PAK5: variants seen among roughly 807,000 people sequenced by gnomAD.
PAK5 encodes serine/threonine-protein kinase PAK 5.
Under a neutral mutation model 65.9 loss-of-function variants are expected in PAK5, and 16 were observed. The ratio of observed to expected loss-of-function variants is 0.24; its 90% CI spans 0.16 to 0.37. The LOEUF (loss-of-function observed/expected upper bound fraction) is 0.37, where lower values mean the gene tolerates loss of function less well. PAK5 is among the 10% of genes least tolerant of loss of function. PAK5 has a pLI of 1.00. For synonymous variants in PAK5, 371 were observed against 354.9 expected, an observed-to-expected ratio of 1.05 and a Z score of -0.51; for missense variants, 785 against 903.9, an observed-to-expected ratio of 0.87 and a Z score of 1.69.
At chr20:9,590,685 C>A (rs1239448995) in intron 3 of PAK5, among the ~76,000 whole-genome samples, 2 of 151,810 alleles carry the variant, frequency 1.3e-5, no homozygotes, top group African/African-American at 4.8e-5. Flanking sequence ...GGGAGGGAGT[C>A]ATATGGCACC....
chr20:9,605,052 G>A (rs2046427949), intron 3 of PAK5, among the ~76,000 whole-genome samples: 1 of 152,194 alleles, frequency 6.6e-6, no homozygotes, highest in African/African-American at 2.4e-5. Flanking sequence ...ACTGAAGAAA[G>A]TGCAATGAAA....
At position 9,790,779 on chromosome 20, in the gene PAK5, G is replaced by A. The variant is rs987795351; in HGVS notation, c.-162+47983C>T. On this transcript the variant is annotated intron_variant, in intron 1 of 9. Coordinates refer to ENST00000353224, the MANE Select transcript of PAK5 (RefSeq NM_177990.4). ...CTCCCAAAGTGCTGGGATGGCAGGT[G>A]TGAGCCACTGCACCCAGTTGAATTT... 2.0e-5 allele frequency among the ~76,000 whole-genome samples: 3 copies of A among 152,230 alleles called. No individual in the cohort carries two copies. In the East Asian group the frequency reaches 5.8e-4, roughly 29 times the overall value.
chr20:9,611,611 C>T (rs1255887783), intron 3 of PAK5, among the ~76,000 whole-genome samples: 3 of 152,162 alleles, frequency 2.0e-5, no homozygotes, highest in South Asian at 2.1e-4. Flanking sequence ...GGAGTTCTCC[C>T]GTGTATATGC....
At chr20:9,566,439 G>A in intron 4 of PAK5, 55 bp from the exon 5 acceptor site, 1 of 1,530,060 alleles carries the variant, frequency 6.5e-7, no homozygotes, top group Non-Finnish European at 8.9e-7. Flanking sequence ...GAATGCCACA[G>A]CCGAGTGGTG....
intron 3 of PAK5, among the ~76,000 whole-genome samples, chr20:9,613,898 G>A (rs1360911241): frequency 6.6e-6 from 1 of 151,996 alleles, no homozygotes; most frequent in Non-Finnish European, 1.5e-5. Context: ...CTCACCAAAG[G>A]CCTATTTGCC....
intron 1 of PAK5, among the ~76,000 whole-genome samples, chr20:9,721,020 A>G (rs1177066924): frequency 6.6e-6 from 1 of 152,170 alleles, no homozygotes; most frequent in Admixed American, 6.5e-5. Flanking sequence ...TTTTGGAATT[A>G]GATAGAGGTG....
intron 3 of PAK5, among the ~76,000 whole-genome samples, chr20:9,601,826 G>T (rs538690087): frequency 6.6e-6 from 1 of 152,076 alleles, no homozygotes; most frequent in African/African-American, 2.4e-5. Context: ...GCCAAGAGGC[G>T]TCCAGAACAG....
chr20:9,617,719 C>A (rs1005888503), intron 3 of PAK5, among the ~76,000 whole-genome samples: 3 of 151,866 alleles, frequency 2.0e-5, no homozygotes, highest in African/African-American at 7.3e-5. Context: ...CCACGGCCGG[C>A]TGATTTTTTG....
chr20:9,782,587 T>C (rs1414956326), intron 1 of PAK5, among the ~76,000 whole-genome samples: 1 of 152,222 alleles, frequency 6.6e-6, no homozygotes, highest in South Asian at 2.1e-4. Flanking sequence ...CTACACAGGG[T>C]TAAAACCGGA....
chr20:9,693,454 C>CCTCCCTTTCT (rs982022527), intron 2 of PAK5, among the ~76,000 whole-genome samples: 1 of 151,820 alleles, frequency 6.6e-6, no homozygotes, highest in African/African-American at 2.4e-5. Context: ...TCTTCCCCTC[C>CCTCCCTTTCT]CTCCCTTTCT....
chr20:9,801,727 C>T (rs1244419646), intron 1 of PAK5, among the ~76,000 whole-genome samples: 1 of 152,006 alleles, frequency 6.6e-6, no homozygotes, highest in Admixed American at 6.6e-5. Context: ...TGTAATTCAA[C>T]ATTTCAGTAT....
chr20:9,769,932 A>C (rs2048814219), intron 1 of PAK5, among the ~76,000 whole-genome samples: 1 of 152,250 alleles, frequency 6.6e-6, no homozygotes, highest in African/African-American at 2.4e-5. Flanking sequence ...TAGAACTAGG[A>C]GAATGTGTGA....
At chr20:9,608,555 C>G (rs376063557) in intron 3 of PAK5, among the ~76,000 whole-genome samples, 9 of 152,164 alleles carry the variant, frequency 5.9e-5, no homozygotes, top group East Asian at 3.9e-4. Flanking sequence ...CAAGTGATGT[C>G]TTTTAATTTG....
intron 9 of PAK5, among the ~76,000 whole-genome samples, chr20:9,541,589 G>A (rs2045264508): frequency 6.6e-6 from 1 of 152,090 alleles, no homozygotes; most frequent in South Asian, 2.1e-4. Flanking sequence ...CCCGTGCCTG[G>A]GACCTTTTTC....
At chr20:9,769,875 C>A (rs1358912872) in intron 1 of PAK5, among the ~76,000 whole-genome samples, 1 of 152,128 alleles carries the variant, frequency 6.6e-6, no homozygotes, top group Non-Finnish European at 1.5e-5. Flanking sequence ...GAAAGGAGCT[C>A]TTTAAAAACT....
intron 2 of PAK5, among the ~76,000 whole-genome samples, chr20:9,645,775 A>G (rs1450578084): frequency 6.6e-6 from 1 of 152,082 alleles, no homozygotes; most frequent in Non-Finnish European, 1.5e-5. Context: ...TTTAGTAGAG[A>G]TGGGGTTTCA....
chr20:9,579,190 A>G (rs4816149), intron 4 of PAK5, among the ~76,000 whole-genome samples: 45,616 of 152,046 alleles, frequency 0.3, 7,250 homozygotes, highest in African/African-American at 0.4. Context: ...GTATAAATAA[A>G]GTACATGACT....
At chr20:9,718,600 A>G (rs1010418909) in intron 1 of PAK5, among the ~76,000 whole-genome samples, 6 of 152,180 alleles carry the variant, frequency 3.9e-5, no homozygotes, top group South Asian at 2.1e-4. Context: ...GCTAGATCCC[A>G]TTAGATTAAA....
intron 1 of PAK5, among the ~76,000 whole-genome samples, chr20:9,799,271 C>G (rs1004686308): frequency 3.3e-5 from 5 of 152,132 alleles, no homozygotes; most frequent in Admixed American, 3.3e-4. Context: ...TGTATGCTTA[C>G]CCAACAACTT....
Sources: allele counts gnomAD v4.1 joint callset (sites outside exome capture counted in the v4.1 genomes callset), GRCh38; gene constraint gnomAD v4.1.1; transcripts MANE v1.5; gene names NCBI Gene and HGNC (gene_info 2026-07-23, HGNC 2026-07-21).